The following PCBP3 variants were observed in gnomAD, a reference collection of about 807,000 sequenced individuals.
PCBP3 encodes the protein poly(rC)-binding protein 3.
A neutral mutation model predicts 52.7 loss-of-function variants in PCBP3; 25 were observed. That is an observed-to-expected ratio of 0.47 (90% confidence interval 0.35 to 0.66). The LOEUF is 0.66. PCBP3 is among the 30% of genes least tolerant of loss of function. PCBP3 has a pLI of 0.01. For synonymous variants in PCBP3, 162 were observed against 183.0 expected (o/e 0.89, Z 0.93); for missense variants, 391 against 490.3 (o/e 0.80, Z 1.91).
At chr21:45,773,745 T>C (rs1338302540) in intron 4 of PCBP3, among the ~76,000 whole-genome samples, 1 of 152,230 alleles carries the variant, frequency 6.6e-6, no homozygotes, top group Non-Finnish European at 1.5e-5. Context: ...CCATATGGAT[T>C]TTAGAATTTT....
At chr21:45,896,931 A>C (rs1370545957) in intron 6 of PCBP3, among the ~76,000 whole-genome samples, 30 of 108,550 alleles carry the variant, frequency 2.8e-4, no homozygotes, top group African/African-American at 1.1e-3. Context: ...GGAAAGGCGG[A>C]CATGGCACAT....
intron 4 of PCBP3, among the ~76,000 whole-genome samples, chr21:45,822,577 A>T (rs1438998632): frequency 1.4e-5 from 2 of 139,168 alleles, no homozygotes; most frequent in Admixed American, 7.0e-5. Context: ...ATGGGACAGG[A>T]TTAGGAGAGC....
chr21:45,739,589 C>CA (rs1489114418), intron 3 of PCBP3, among the ~76,000 whole-genome samples: 1 of 111,102 alleles, frequency 9.0e-6, no homozygotes, highest in Non-Finnish European at 1.9e-5. Context: ...TCTGGGTGCC[C>CA]CCCCCCATCT....
At chr21:45,814,923 G>C (rs2092828849) in intron 4 of PCBP3, among the ~76,000 whole-genome samples, 1 of 139,998 alleles carries the variant, frequency 7.1e-6, no homozygotes, top group Admixed American at 7.0e-5. Context: ...AGTGATGAGT[G>C]AGTGGTGAGT....
chr21:45,902,876 G>A (rs751371607), intron 9 of PCBP3, among the ~76,000 whole-genome samples: 4 of 152,230 alleles, frequency 2.6e-5, no homozygotes, highest in East Asian at 1.9e-4. Flanking sequence ...GCGGTGTCCC[G>A]AATAACTTCT....
At chr21:45,726,647 G>C (rs917400204) in intron 2 of PCBP3, among the ~76,000 whole-genome samples, 20 of 152,308 alleles carry the variant, frequency 1.3e-4, no homozygotes, top group African/African-American at 4.8e-4. Flanking sequence ...CCTGATGTTT[G>C]TGTCTCCCGC....
intron 3 of PCBP3, chr21:45,748,169 T>G (rs2087080991): frequency 6.6e-6 from 1 of 152,596 alleles, no homozygotes; most frequent in African/African-American, 2.4e-5. Context: ...TGTGCTTTTA[T>G]TTTACAAATG....
intron 4 of PCBP3, among the ~76,000 whole-genome samples, chr21:45,809,006 A>AG (rs2092599169): frequency 6.6e-6 from 1 of 152,124 alleles, no homozygotes; most frequent in South Asian, 2.1e-4. Context: ...ACATGGACAC[A>AG]GGGAGAAGAA....
chr21:45,705,594 A>G (rs2083399173), intron 2 of PCBP3, among the ~76,000 whole-genome samples: 1 of 152,100 alleles, frequency 6.6e-6, no homozygotes, highest in Non-Finnish European at 1.5e-5. Context: ...TTGGCAGGGA[A>G]AGTGCCTGTC....
At chr21:45,881,730 G>A (rs951509784) in intron 5 of PCBP3, among the ~76,000 whole-genome samples, 2 of 148,132 alleles carry the variant, frequency 1.4e-5, no homozygotes, top group South Asian at 2.1e-4. Context: ...CCAACCCCCC[G>A]CAGTCCCCGA....
At chr21:45,856,724 G>T (rs1422550095) in intron 5 of PCBP3, among the ~76,000 whole-genome samples, 7 of 152,126 alleles carry the variant, frequency 4.6e-5, no homozygotes, top group Admixed American at 4.6e-4. Flanking sequence ...AGCCAAATCT[G>T]CATGACCATG....
chr21:45,866,629 G>T (rs1289132571), intron 5 of PCBP3, among the ~76,000 whole-genome samples: 2 of 152,162 alleles, frequency 1.3e-5, no homozygotes, highest in Non-Finnish European at 2.9e-5. Context: ...AGAGGACCTG[G>T]GGAGGGGTCT....
chr21:45,644,315 C>T (rs1017224806), intron 1 of PCBP3, among the ~76,000 whole-genome samples: 1 of 151,818 alleles, frequency 6.6e-6, no homozygotes, highest in East Asian at 2.0e-4. Context: ...GGCCTCCTCC[C>T]CCTGGACGGC....
At chr21:45,670,595 G>A (rs976328917) in intron 2 of PCBP3, among the ~76,000 whole-genome samples, 14 of 152,198 alleles carry the variant, frequency 9.2e-5, no homozygotes, top group African/African-American at 3.4e-4. Context: ...ACAACCGGAT[G>A]AGTAGAACAA....
intron 5 of PCBP3, among the ~76,000 whole-genome samples, chr21:45,852,966 G>A (rs1330344807): frequency 6.6e-6 from 1 of 152,246 alleles, no homozygotes; most frequent in Non-Finnish European, 1.5e-5. Context: ...GTGAAGAGAT[G>A]TGCAAACTCA....
intron 2 of PCBP3, among the ~76,000 whole-genome samples, chr21:45,672,832 G>A (rs1319640006): frequency 6.6e-6 from 1 of 152,106 alleles, no homozygotes; most frequent in Non-Finnish European, 1.5e-5. Flanking sequence ...GGATTGTGAG[G>A]CCCATATTTC....
chr21:45,878,288 TGGG>T (rs35131273), intron 5 of PCBP3, among the ~76,000 whole-genome samples: 3 of 152,070 alleles, frequency 2.0e-5, no homozygotes, highest in Non-Finnish European at 4.4e-5. Context: ...CCCTCCGGGG[TGGG>T]GGGGTCCTCC....
At chr21:45,688,670 A>G (rs1054571066) in intron 2 of PCBP3, among the ~76,000 whole-genome samples, 3 of 152,142 alleles carry the variant, frequency 2.0e-5, no homozygotes, top group Non-Finnish European at 4.4e-5. Flanking sequence ...ATATGAAGGC[A>G]TAATCATTGT....
At chr21:45,662,200 C>T (rs1383085560) in intron 1 of PCBP3, among the ~76,000 whole-genome samples, 1 of 149,444 alleles carries the variant, frequency 6.7e-6, no homozygotes, top group Non-Finnish European at 1.5e-5. Context: ...CTCTGCCTCC[C>T]AGGCTCAAGT....
Sources: gnomAD v4.1 joint callset for allele counts (sites outside exome capture counted in the v4.1 genomes callset) on GRCh38, gnomAD v4.1.1 for gene constraint, MANE v1.5 for transcripts, NCBI Gene and HGNC (gene_info 2026-07-23, HGNC 2026-07-21) for gene names.